NENF: variants seen among roughly 807,000 people sequenced by gnomAD.
NENF encodes neudesin neurotrophic factor, also known as neudesin.
A neutral mutation model predicts 14.8 loss-of-function variants in NENF; 6 were observed. The ratio of observed to expected loss-of-function variants is 0.40; its 90% confidence interval spans 0.22 to 0.80. NENF has a LOEUF of 0.80. Ranked by LOEUF, NENF falls within the 30% of genes least tolerant of loss-of-function variation. The probability of loss-of-function intolerance (pLI) is 0.34; values close to 1 mark genes in which losing one functional copy is unlikely to be tolerated. For missense variants in NENF, 184 were observed against 212.7 expected (o/e 0.87, Z 0.84); for synonymous variants, 76 against 95.1 (o/e 0.80, Z 1.17).
chr1:212,444,501 CTT>C (rs1662746456), intron 3 of NENF, 59 bp downstream of exon 3: 7 of 1,087,970 alleles, frequency 6.4e-6, no homozygotes, highest in Admixed American at 4.8e-5. Flanking sequence ...GCCTTTTTCT[CTT>C]TTTCTTTTTC....
intron 3 of NENF, 118 bp from the exon 4 acceptor site, chr1:212,445,712 A>G (rs1019155301): frequency 2.0e-4 from 127 of 639,460 alleles, no homozygotes; most frequent in Non-Finnish European, 2.8e-4. Flanking sequence ...TGGTTTGTTG[A>G]GATATCTTTT....
intron 1 of NENF, among the ~76,000 whole-genome samples, chr1:212,439,186 C>T (rs1662657336): frequency 6.6e-6 from 1 of 152,098 alleles, no homozygotes; most frequent in Non-Finnish European, 1.5e-5. Context: ...TTCCTCTTCG[C>T]ACTTACACCT....
chr1:212,438,010 C>A (rs982256057), intron 1 of NENF, among the ~76,000 whole-genome samples: 11 of 152,068 alleles, frequency 7.2e-5, no homozygotes, highest in African/African-American at 2.7e-4. Flanking sequence ...GAAAAAAAAT[C>A]TGGACAGCAT....
chr1:212,445,667 C>G (rs2282435), intron 3 of NENF, among the ~76,000 whole-genome samples, 163 bp from the exon 4 acceptor site: 14 of 149,124 alleles, frequency 9.4e-5, no homozygotes, highest in Admixed American at 7.3e-4. Context: ...ACGCCCCCCC[C>G]ACAGCAGTGT....
At chr1:212,436,689 G>A (rs2102567186) in intron 1 of NENF, among the ~76,000 whole-genome samples, 1 of 152,262 alleles carries the variant, frequency 6.6e-6, no homozygotes, top group East Asian at 1.9e-4. Flanking sequence ...ATTGATTGTA[G>A]ATGCACAGCA....
chr1:212,434,208 T>C (rs1031075138), intron 1 of NENF, among the ~76,000 whole-genome samples: 2 of 152,218 alleles, frequency 1.3e-5, no homozygotes, highest in Middle Eastern at 3.4e-3. Context: ...GATGTGAGGA[T>C]GTTAAGGGAT....
chr1:212,442,856 C>G (rs992074182), intron 2 of NENF, among the ~76,000 whole-genome samples: 1 of 152,182 alleles, frequency 6.6e-6, no homozygotes. Context: ...AATTCTCTGC[C>G]TCAGCCTCCC....
Position 212,437,237 on chromosome 1 carries a change from C to A in NENF, c.177+4117C>A, listed in dbSNP as rs950483362. On this transcript the variant is annotated intron_variant, in intron 1 of 3. Coordinates refer to ENST00000366988, the MANE Select transcript of NENF (RefSeq NM_013349.5). ...GATCTGAAATCACTTGATGACAGAA[C>A]CTTGTTGGAGCTGCTATGAGTCTAC... is the stretch of plus-strand genomic sequence containing the variant. Among the ~76,000 whole-genome samples the A allele has an allele frequency of 2.0e-5, 3 of 152,036 alleles. No homozygotes were observed. The East Asian group carries it at 5.8e-4, about 29-fold the overall frequency.
At chr1:212,444,261 GAGCGCCCCCACGTGCA>G in intron 2 of NENF, 62 bp from the exon 3 acceptor site, 1 of 900,790 alleles carries the variant, frequency 1.1e-6, no homozygotes. Context: ...CGGGCCTTGG[GAGCGCCCCCACGTGCA>G]AGCTCCTGGT....
chr1:212,444,698 C>G (rs1005132583), intron 3 of NENF, among the ~76,000 whole-genome samples: 12 of 152,118 alleles, frequency 7.9e-5, no homozygotes, highest in Non-Finnish European at 8.8e-5. Context: ...CCATGGCTGT[C>G]TGTTGCCTAG....
In NENF at chr1:212,446,190, C is replaced by G. The variant is rs571580135; in HGVS notation, c.*184C>G. ...TCAGGGGTTCTGTCTACCTGGGGAC[C>G]CCTGTCTGCACACCAGGGATCAATA... On this transcript the variant is annotated 3_prime_UTR_variant, in exon 4 of 4. Coordinates refer to ENST00000366988, the MANE Select transcript of NENF (RefSeq NM_013349.5). 1 of 604,228 alleles carries G rather than the reference C, an allele frequency of 1.7e-6. No homozygotes were observed. The highest frequency in any genetic ancestry group is 2.8e-5 in the East Asian group (1 of 35,394). The allele number at this position is 604,228 out of a possible 1,614,324, so 37.4% of individuals were successfully genotyped here.
intron 1 of NENF, among the ~76,000 whole-genome samples, chr1:212,441,655 G>A (rs1010723036): frequency 4.6e-5 from 7 of 152,008 alleles, no homozygotes; most frequent in African/African-American, 1.4e-4. Context: ...GCGTGGTGGC[G>A]GGTGCCTGTA....
At chr1:212,442,292 G>C (rs888485727) in intron 1 of NENF, among the ~76,000 whole-genome samples, 2 of 152,234 alleles carry the variant, frequency 1.3e-5, no homozygotes, top group African/African-American at 4.8e-5. Context: ...GATTACAGGC[G>C]TGAGTCACTG....
chr1:212,434,915 G>A (rs1379053030), intron 1 of NENF: 1 of 152,232 alleles, frequency 6.6e-6, no homozygotes, highest in Non-Finnish European at 1.5e-5. Flanking sequence ...GGAAACAATT[G>A]TTTTGGGAGT....
chr1:212,444,251 C>A (rs113115770), intron 2 of NENF, 88 bp from the exon 3 acceptor site: 1 of 753,100 alleles, frequency 1.3e-6, no homozygotes, highest in Non-Finnish European at 2.1e-6. Flanking sequence ...GGATTGGGTG[C>A]GGGCCTTGGG....
chr1:212,446,022 A>C lies in NENF; in HGVS notation c.*16A>C, dbSNP rs755052129. On this transcript the variant is annotated 3_prime_UTR_variant, in exon 4 of 4. Coordinates refer to ENST00000366988, the MANE Select transcript of NENF (RefSeq NM_013349.5). ...TGAGTTCTGATGTTCCCCCTGCAGGAGCAGGTTCTTGGGAGCGTGAGGCAG... is the reference window on the plus strand; with the variant it reads ...TGAGTTCTGATGTTCCCCCTGCAGGCGCAGGTTCTTGGGAGCGTGAGGCAG... 6.8e-6 allele frequency: 11 copies of C among 1,613,662 alleles called. 1 individual carries two copies. In the Middle Eastern group the frequency reaches 1.3e-3, roughly 194 times the overall value.
At chr1:212,435,547 CTT>C (rs58631608) in intron 1 of NENF, among the ~76,000 whole-genome samples, 13,801 of 132,586 alleles carry the variant, frequency 0.1, 878 homozygotes, top group East Asian at 0.37. Context: ...AGTTTTTTTC[CTT>C]TTTTTTTTTT....
intron 1 of NENF, among the ~76,000 whole-genome samples, 180 bp from the exon 2 acceptor site, chr1:212,442,385 G>A (rs1662712262): frequency 6.6e-6 from 1 of 152,288 alleles, no homozygotes; most frequent in Admixed American, 6.5e-5. Flanking sequence ...AAATTTCTGT[G>A]TGCGGGCATG....
chr1:212,442,568 G>A lies in NENF; in HGVS notation c.181G>A (p.Asp61Asn). 1 of 1,612,912 alleles carries A rather than the reference G, an allele frequency of 6.2e-7. No individual in the cohort carries two copies. The highest frequency in any genetic ancestry group is 2.2e-5 in the East Asian group (1 of 44,874). Residue 61 changes from aspartate to asparagine, a missense_variant, in exon 2 of 4, where the codon GAT becomes AAT. Asp to Asn is a conservative substitution (Grantham distance 23). Coordinates refer to ENST00000366988, the MANE Select transcript of NENF (RefSeq NM_013349.5). The part of the protein sequence containing the change: ...ELARYGGEEE[D>N]QPIYLAVKGV... ...CAGCTTCTCCCCTGCTTTCTAGGAAGATCAGCCCATCTACTTGGCAGTGAA... is the reference window on the plus strand; with the variant it reads ...CAGCTTCTCCCCTGCTTTCTAGGAAAATCAGCCCATCTACTTGGCAGTGAA...
Sources: gnomAD v4.1 joint callset for allele counts (sites outside exome capture counted in the v4.1 genomes callset) on GRCh38, gnomAD v4.1.1 for gene constraint, MANE v1.5 for transcripts, NCBI Gene and HGNC (gene_info 2026-07-23, HGNC 2026-07-21) for gene names.